The following SCAMP4 variants were observed in gnomAD, a reference collection of about 807,000 sequenced individuals.
SCAMP4 encodes secretory carrier membrane protein 4.
SCAMP4 carries 19 observed loss-of-function variants against 32.1 expected under a neutral mutation model. The ratio of observed to expected loss-of-function variants is 0.59; its 90% CI spans 0.41 to 0.87. The LOEUF is 0.87. SCAMP4 is among the 40% of genes least tolerant of loss of function. The probability of loss-of-function intolerance (pLI) is 0.00; values close to 1 mark genes in which losing one functional copy is unlikely to be tolerated. For missense variants in SCAMP4, 302 were observed against 309.0 expected, an observed-to-expected ratio of 0.98 and a Z score of 0.17; for synonymous variants, 152 against 132.7, an observed-to-expected ratio of 1.15 and a Z score of -1.00.
intron 5 of SCAMP4, 109 bp downstream of exon 5, chr19:1,919,099 C>A: frequency 6.5e-7 from 1 of 1,534,726 alleles, no homozygotes; most frequent in Admixed American, 2.0e-5. Flanking sequence ...CGGGATTGTA[C>A]GCGCTCTCCT....
At chr19:1,912,456 G>A in intron 1 of SCAMP4, 15 of 1,505,964 alleles carry the variant, frequency 1.0e-5, no homozygotes, top group Non-Finnish European at 1.3e-5. Context: ...CCGCGGCCTG[G>A]GGCAACCCTT....
intron 2 of SCAMP4, 119 bp downstream of exon 2, chr19:1,915,145 C>G (rs2013688358): frequency 1.4e-5 from 17 of 1,215,034 alleles, no homozygotes; most frequent in East Asian, 2.3e-5. Context: ...CCCACCTGGC[C>G]TCTGACTCCT....
intron 5 of SCAMP4, chr19:1,922,652 T>G: frequency 1.0e-6 from 1 of 987,276 alleles, no homozygotes; most frequent in Non-Finnish European, 1.2e-6. Flanking sequence ...TTAGACACAG[T>G]TGCCGTAGGC....
rs2013970454 is a variant in SCAMP4 at position 1,923,056 on chromosome 19, C to G, written c.396-14C>G. On this transcript the variant is annotated splice_polypyrimidine_tract_variant and intron_variant, in intron 5 of 6. Transcript: ENST00000316097. ...AGGTGTGCAGGCACCCACGCACTCT[C>G]TTGTCCCTTGCAGCGGCTGGCTGTC... is the stretch of plus-strand genomic sequence containing the variant. 5 of 1,545,402 alleles carry G rather than the reference C, an allele frequency of 3.2e-6. No homozygotes were observed. Among genetic ancestry groups the G allele is most frequent in the Admixed American group, 2.0e-5 (1 of 50,512 alleles).
At chr19:1,912,347 C>A in intron 1 of SCAMP4, 1 of 1,532,072 alleles carries the variant, frequency 6.5e-7, no homozygotes, top group Non-Finnish European at 8.7e-7. Context: ...GCCGCGATGC[C>A]GGCAGCCCCC....
intron 1 of SCAMP4, chr19:1,905,822 T>A (rs562010202): frequency 6.6e-6 from 1 of 152,502 alleles, no homozygotes; most frequent in East Asian, 1.9e-4. Context: ...CTCGCGAGTT[T>A]CCGTAGCCTT....
intron 1 of SCAMP4, chr19:1,912,473 G>A: frequency 1.3e-6 from 2 of 1,500,286 alleles, no homozygotes; most frequent in Non-Finnish European, 1.8e-6. Flanking sequence ...CCTTCCTGGT[G>A]CCCGTGCCCG....
Position 1,919,300 on chromosome 19 carries a change from C to A in SCAMP4, c.395+310C>A, listed in dbSNP as rs181697591. On this transcript the variant is annotated intron_variant, in intron 5 of 6. Transcript: ENST00000316097. ...CCTGAGTGTTGATCACACCCCTGAC[C>A]CGGGGTCTGGGAGCCAGTTCCTGGC... 4.1e-6 allele frequency: 5 copies of A among 1,210,500 alleles called. No individual in the cohort carries two copies. In the African/African-American group the frequency reaches 6.2e-5, roughly 15 times the overall value. 75.0% of individuals were successfully genotyped at this position (1,210,500 alleles called of 1,614,324 possible).
intron 1 of SCAMP4, among the ~76,000 whole-genome samples, chr19:1,907,689 C>G (rs1361999661): frequency 6.6e-6 from 1 of 152,190 alleles, no homozygotes; most frequent in Admixed American, 6.5e-5. Flanking sequence ...GGTTCCCAGC[C>G]CAGGCTGGCG....
chr19:1,917,377 C>T (rs1028693420), intron 2 of SCAMP4, among the ~76,000 whole-genome samples: 1 of 152,218 alleles, frequency 6.6e-6, no homozygotes, highest in Non-Finnish European at 1.5e-5. Flanking sequence ...AGACCAGAAA[C>T]GCTAACATCA....
intron 3 of SCAMP4, 126 bp downstream of exon 3, chr19:1,917,948 G>T: frequency 1.4e-6 from 2 of 1,395,756 alleles, no homozygotes; most frequent in Non-Finnish European, 2.0e-6. Flanking sequence ...GGGCCTGGTG[G>T]TCCCTGCGGT....
rs933182282 is a variant in SCAMP4, at chr19:1,924,718, C to T, written c.*434C>T. 7.7e-5 allele frequency: 16 copies of T among 207,632 alleles called. No individual in the cohort carries two copies. The highest frequency in any genetic ancestry group is 6.4e-4 in the East Asian group (6 of 9,350). The allele number at this position is 207,632 out of a possible 1,614,324, so 12.9% of individuals were successfully genotyped here. ...GAGCTCCGTCTCACCGGCCACCCGC[C>T]GTCACCATGGCAGATGCCCTTGGCC... On this transcript the variant is annotated 3_prime_UTR_variant, in exon 7 of 7. Coordinates refer to ENST00000316097, the MANE Select transcript of SCAMP4 (RefSeq NM_079834.4).
intron 1 of SCAMP4, chr19:1,912,296 C>T (rs750150477): frequency 1.3e-6 from 2 of 1,566,476 alleles, no homozygotes; most frequent in Admixed American, 1.8e-5. Flanking sequence ...CGGCCCTGCA[C>T]CCGCTCCCCG....
Position 1,923,104 on chromosome 19 carries a change from A to G in SCAMP4, c.430A>G (p.Ser144Gly). 1 of 1,552,326 alleles carries G rather than the reference A, an allele frequency of 6.4e-7. No homozygotes were observed. The highest frequency in any genetic ancestry group is 8.7e-7 in the Non-Finnish European group (1 of 1,147,588). ...GTCGGCAATTGGATTCTTCCAGTAC[A>G]GCCCGGGCGCTGCCGTGGTCATGCT... The part of the protein sequence containing the change: ...WLSAIGFFQY[S>G]PGAAVVMLLP... Residue 144 changes from serine (S) to glycine (G), a missense_variant, in exon 6 of 7, where the codon AGC becomes GGC. Transcript: ENST00000316097.
rs763932582 is a variant in SCAMP4, at chr19:1,912,801, C to G, written c.-41-2178C>G. 3 of 1,577,580 alleles carry G rather than the reference C, an allele frequency of 1.9e-6. No individual in the cohort carries two copies. In the South Asian group the frequency reaches 3.4e-5, roughly 18 times the overall value. On this transcript the variant is annotated intron_variant, in intron 1 of 6. Transcript: ENST00000316097. ...GTGCGTGGACCTCGTGGCGCGCGGC[C>G]AGGGCCGCGGCACCTACGACTTCAG...
intron 1 of SCAMP4, chr19:1,913,015 T>C (rs2013574365): frequency 6.2e-7 from 1 of 1,606,618 alleles, no homozygotes. Context: ...CTGCGCGTCT[T>C]CTACGGTGCG....
intron 5 of SCAMP4, chr19:1,921,863 T>C (rs1211578189): frequency 1.0e-6 from 1 of 984,062 alleles, no homozygotes; most frequent in Non-Finnish European, 1.2e-6. Flanking sequence ...ATGCAGCCTG[T>C]GATGCTGTGG....
intron 1 of SCAMP4, among the ~76,000 whole-genome samples, chr19:1,910,429 C>T (rs1165310804): frequency 6.6e-6 from 1 of 152,092 alleles, no homozygotes; most frequent in Non-Finnish European, 1.5e-5. Flanking sequence ...GCCTGGGTTG[C>T]TGTGTGTGTT....
rs767325972 is a variant in SCAMP4, at chr19:1,914,989, G to A, written c.-31G>A. 1 of 1,613,852 alleles carries A rather than the reference G, an allele frequency of 6.2e-7. No homozygotes were observed. The highest frequency in any genetic ancestry group is 8.5e-7 in the Non-Finnish European group (1 of 1,179,796). On this transcript the variant is annotated 5_prime_UTR_variant, in exon 2 of 7. Coordinates refer to ENST00000316097, the MANE Select transcript of SCAMP4 (RefSeq NM_079834.4). ...TTGTCTTCCTTCCAGGCGGCTGCAGGCTTCAGCCTGCGCTGGTTGGTGAAA... is the reference window on the plus strand; with the variant it reads ...TTGTCTTCCTTCCAGGCGGCTGCAGACTTCAGCCTGCGCTGGTTGGTGAAA...
Sources: allele counts gnomAD v4.1 joint callset (sites outside exome capture counted in the v4.1 genomes callset), GRCh38; gene constraint gnomAD v4.1.1; transcripts MANE v1.5; gene names NCBI Gene and HGNC (gene_info 2026-07-23, HGNC 2026-07-21).